The following ZMYM2 variants were observed in gnomAD, a reference collection of about 807,000 sequenced individuals.
The protein encoded by ZMYM2 is zinc finger MYM-type protein 2.
A neutral mutation model predicts 162.8 loss-of-function variants in ZMYM2; 56 were observed. The ratio of observed to expected loss-of-function variants is 0.34; its 90% CI spans 0.28 to 0.43. The LOEUF is 0.43. Ranked by LOEUF, ZMYM2 falls within the 20% of genes least tolerant of loss-of-function variation. The probability of loss-of-function intolerance (pLI) is 1.00; values close to 1 mark genes in which losing one functional copy is unlikely to be tolerated. For synonymous variants in ZMYM2, 510 were observed against 541.6 expected (o/e 0.94, Z 0.81); for missense variants, 1,275 against 1,621.8 (o/e 0.79, Z 3.67).
At chr13:19,978,647 T>G (rs1957006387) in intron 2 of ZMYM2, among the ~76,000 whole-genome samples, 1 of 152,022 alleles carries the variant, frequency 6.6e-6, no homozygotes, top group Middle Eastern at 3.2e-3. Context: ...ACTCCCGACC[T>G]CAGGTGATCT....
chr13:19,938,320 A>G, the ZMYM2 span, among the ~76,000 whole-genome samples: 2 of 152,100 alleles, frequency 1.3e-5, no homozygotes, highest in Admixed American at 6.6e-5. Flanking sequence ...CAGCCTGGCC[A>G]ACATGGTGAA....
chr13:19,949,343 G>T, the ZMYM2 span, among the ~76,000 whole-genome samples: 1 of 152,186 alleles, frequency 6.6e-6, no homozygotes, highest in Admixed American at 6.5e-5. Context: ...GGACCTGGGA[G>T]GTGGAGGTTG....
In ZMYM2 at chr13:20,027,262, A is replaced by G; in HGVS notation, c.1795A>G (p.Met599Val). ...RNSLPQYQAT[M>V]PDGKLYNFCN... ...CTCTTTACCTCAATACCAAGCCACA[A>G]TGCCTGATGGAAAACTGTACAACTT... Residue 599 changes from methionine (M) to valine (V), a missense_variant, in exon 9 of 25, where the codon ATG becomes GTG. Physicochemically the swap from Met to Val is conservative, Grantham distance 21. This residue lies in a region of ZMYM2 where 276 missense variants were observed against 311.8 expected (regional missense o/e 0.89). Coordinates refer to ENST00000610343, the MANE Select transcript of ZMYM2 (RefSeq NM_197968.4). 6.3e-7 allele frequency: 1 copy of G among 1,586,412 alleles called. No individual in the cohort carries two copies. The highest frequency in any genetic ancestry group is 8.6e-7 in the Non-Finnish European group (1 of 1,164,468).
At chr13:20,063,549 G>A (rs1956391438) in intron 18 of ZMYM2, among the ~76,000 whole-genome samples, 1 of 151,132 alleles carries the variant, frequency 6.6e-6, no homozygotes, top group Admixed American at 6.6e-5. Context: ...GGGAGGCCGA[G>A]GTGGGTGGAT....
chr13:20,037,113 A>T (rs568800176), intron 12 of ZMYM2, among the ~76,000 whole-genome samples: 11 of 151,778 alleles, frequency 7.2e-5, no homozygotes, highest in African/African-American at 1.2e-4. Flanking sequence ...TAACTTAAGC[A>T]TTACCAAAAG....
At chr13:19,943,970 G>A in the ZMYM2 span, among the ~76,000 whole-genome samples, 9 of 152,116 alleles carry the variant, frequency 5.9e-5, no homozygotes, top group African/African-American at 1.9e-4. Flanking sequence ...GAATGAGAAG[G>A]GAGATGGGGC....
chr13:20,072,951 C>G (rs942064686), intron 21 of ZMYM2, among the ~76,000 whole-genome samples: 2 of 151,722 alleles, frequency 1.3e-5, no homozygotes, highest in Non-Finnish European at 2.9e-5. Context: ...CTTTGTCGCA[C>G]AGGCTGGTGT....
At chr13:20,007,953 T>G (rs767851837) in intron 6 of ZMYM2, among the ~76,000 whole-genome samples, 1 of 152,062 alleles carries the variant, frequency 6.6e-6, no homozygotes, top group African/African-American at 2.4e-5. Context: ...TATATAGTAG[T>G]CCTTTCTCAC....
At chr13:19,918,465 A>G in the ZMYM2 span, among the ~76,000 whole-genome samples, 1 of 151,898 alleles carries the variant, frequency 6.6e-6, no homozygotes, top group African/African-American at 2.4e-5. Context: ...CAACCAAAAA[A>G]AAAATCCTTT....
chr13:19,995,489 C>T (rs1490333349), intron 3 of ZMYM2, among the ~76,000 whole-genome samples: 2 of 152,144 alleles, frequency 1.3e-5, no homozygotes, highest in East Asian at 1.9e-4. Flanking sequence ...CGGCTGACTG[C>T]AGCCTCTGCC....
Position 20,061,173 on chromosome 13 carries a change from A to G in ZMYM2, c.2860A>G (p.Thr954Ala). Reference protein sequence around the residue: ...DALDTELLTMTDMMSEDEGKT... With the variant: ...DALDTELLTMADMMSEDEGKT... ...TCTTGATACAGAGTTGCTTACAATG[A>G]CGGATATGATGAGTGAAGACGAGGG... The change falls in exon 17 of 25, where the codon ACG becomes GCG. Residue 954 changes from threonine (T) to alanine (A), a missense_variant. By Grantham distance (58) the Thr-to-Ala change is moderately conservative. Coordinates refer to ENST00000610343, the MANE Select transcript of ZMYM2 (RefSeq NM_197968.4). 1 of 1,613,836 alleles carries G rather than the reference A, an allele frequency of 6.2e-7. No individual in the cohort carries two copies. Among genetic ancestry groups the G allele is most frequent in the African/African-American group, 1.3e-5 (1 of 75,054 alleles).
At chr13:19,891,985 A>G in the ZMYM2 span, among the ~76,000 whole-genome samples, 1 of 151,816 alleles carries the variant, frequency 6.6e-6, no homozygotes, top group Non-Finnish European at 1.5e-5. Context: ...TGTATCACTC[A>G]GGCTGGAGTG....
rs1286072193 is a variant in ZMYM2, at chr13:19,958,753, G to C, written c.-168G>C. Reference sequence around the variant, plus strand: ...TCCTCCTCACCAGCGCTAAAGCCGGGACTGGACCGAGCGGAGTTGTGCGTG... The same window carrying C: ...TCCTCCTCACCAGCGCTAAAGCCGGCACTGGACCGAGCGGAGTTGTGCGTG... On this transcript the variant is annotated 5_prime_UTR_variant, in exon 1 of 25. Transcript: ENST00000610343. The C allele has an allele frequency of 2.2e-4, 33 of 152,752 alleles. No individual in the cohort carries two copies. Among genetic ancestry groups the C allele is most frequent in the African/African-American group, 7.0e-4 (29 of 41,412 alleles). 9.5% of individuals were successfully genotyped at this position (152,752 alleles called of 1,614,324 possible).
intron 6 of ZMYM2, among the ~76,000 whole-genome samples, chr13:20,015,195 T>A (rs1210260221): frequency 6.6e-6 from 1 of 152,236 alleles, no homozygotes; most frequent in Non-Finnish European, 1.5e-5. Flanking sequence ...TTTAAAAATT[T>A]CCTGTGATTT....
intron 12 of ZMYM2, among the ~76,000 whole-genome samples, chr13:20,043,863 A>G (rs1042797377): frequency 1.3e-4 from 19 of 151,976 alleles, no homozygotes; most frequent in South Asian, 2.1e-4. Flanking sequence ...TGGGGAGGGA[A>G]TGGGTGGCAC....
At chr13:20,078,229 T>C (rs1055606463) in intron 21 of ZMYM2, among the ~76,000 whole-genome samples, 3 of 152,158 alleles carry the variant, frequency 2.0e-5, no homozygotes, top group Non-Finnish European at 2.9e-5. Context: ...GAACTACTGA[T>C]TGATAGCTTA....
At chr13:19,948,060 C>G in the ZMYM2 span, among the ~76,000 whole-genome samples, 2 of 151,342 alleles carry the variant, frequency 1.3e-5, no homozygotes, top group Non-Finnish European at 2.9e-5. Context: ...TGAGATACCA[C>G]TATATACCTA....
At chr13:19,909,165 A>G in the ZMYM2 span, among the ~76,000 whole-genome samples, 122,875 of 152,082 alleles carry the variant, frequency 0.81, 50,731 homozygotes, top group East Asian at 0.96. Flanking sequence ...TAACATTTTA[A>G]TTGCTTAATG....
the ZMYM2 span, among the ~76,000 whole-genome samples, chr13:19,948,113 A>T: frequency 1.6e-3 from 246 of 152,328 alleles, 1 homozygote; most frequent in African/African-American, 5.6e-3. Flanking sequence ...CCAAATGCTA[A>T]CAAAGATGTG....
Sources: allele counts gnomAD v4.1 joint callset (sites outside exome capture counted in the v4.1 genomes callset), GRCh38; gene constraint gnomAD v4.1.1; regional missense constraint gnomAD v4.1.1; transcripts MANE v1.5; gene names NCBI Gene and HGNC (gene_info 2026-07-23, HGNC 2026-07-21).